DPP6: variants seen among roughly 807,000 people sequenced by gnomAD.
DPP6 encodes A-type potassium channel modulatory protein DPP6.
DPP6 carries 69 observed loss-of-function variants against 122.6 expected under a neutral mutation model. The ratio of observed to expected loss-of-function variants is 0.56; its 90% CI spans 0.46 to 0.69. DPP6 has a LOEUF of 0.69. Among genes scored for constraint, DPP6 ranks in the 30% least tolerant of loss-of-function variants. The pLI is 0.00. For missense variants in DPP6, 928 were observed against 1,116.9 expected (o/e 0.83, Z 2.41); for synonymous variants, 418 against 433.1 (o/e 0.97, Z 0.43).
chr7:153,876,352 C>G, the DPP6 span, among the ~76,000 whole-genome samples: 5 of 151,808 alleles, frequency 3.3e-5, no homozygotes, highest in African/African-American at 1.2e-4. Context: ...ACATCATATT[C>G]TATCCAATAT....
At chr7:154,433,652 C>T (rs546770637) in intron 1 of DPP6, among the ~76,000 whole-genome samples, 1 of 152,324 alleles carries the variant, frequency 6.6e-6, no homozygotes, top group East Asian at 1.9e-4. Context: ...TTCAAACACT[C>T]CTCATAATGT....
chr7:154,778,891 T>TCACCACCATCAC (rs1406496999), intron 10 of DPP6, among the ~76,000 whole-genome samples: 1 of 96,170 alleles, frequency 1.0e-5, no homozygotes, highest in Non-Finnish European at 2.2e-5. Flanking sequence ...ACTACAACCT[T>TCACCACCATCAC]CACCACCATC....
chr7:154,431,534 C>CTT (rs67861044), intron 1 of DPP6, among the ~76,000 whole-genome samples: 3 of 98,896 alleles, frequency 3.0e-5, no homozygotes, highest in Non-Finnish European at 4.2e-5. Flanking sequence ...TTCTTTCTTT[C>CTT]TTTTTTTTTT....
intron 7 of DPP6, among the ~76,000 whole-genome samples, chr7:154,715,127 C>T (rs1315508159): frequency 6.6e-6 from 1 of 152,074 alleles, no homozygotes; most frequent in Non-Finnish European, 1.5e-5. Flanking sequence ...AGTGCCATGG[C>T]ACGGTCTCAA....
chr7:153,770,134 C>T, the DPP6 span, among the ~76,000 whole-genome samples: 2 of 152,098 alleles, frequency 1.3e-5, no homozygotes, highest in East Asian at 3.9e-4. Flanking sequence ...CTCTACTGCC[C>T]CGTGTCCATG....
In DPP6 at chr7:154,624,375, C is replaced by T. The variant is rs1431930621; in HGVS notation, c.628-13446C>T. Among the ~76,000 whole-genome samples the T allele has an allele frequency of 1.3e-5, 2 of 151,210 alleles. No homozygotes were observed. Among genetic ancestry groups the T allele is most frequent in the African/African-American group, 4.9e-5 (2 of 41,050 alleles). The stretch of plus-strand genomic sequence containing the variant: ...GGTGTGGTGGTAGGTGCCTATAATC[C>T]CAGCTACTCAGAAGGCTGAGGCAGG... On this transcript the variant is annotated intron_variant, in intron 5 of 25. Transcript: ENST00000377770. This position sits in a 1 kb window ranked among gnomAD's most constrained non-coding sequence, Gnocchi z 4.7.
intron 1 of DPP6, among the ~76,000 whole-genome samples, chr7:154,227,754 T>C (rs1444140881): frequency 1.3e-5 from 2 of 152,006 alleles, no homozygotes; most frequent in Non-Finnish European, 2.9e-5. Flanking sequence ...TTTGGGGAGA[T>C]TGTCATTCAA....
At chr7:154,580,576 A>T (rs1219738830) in intron 5 of DPP6, among the ~76,000 whole-genome samples, 1 of 152,128 alleles carries the variant, frequency 6.6e-6, no homozygotes, top group Non-Finnish European at 1.5e-5. Flanking sequence ...GTGAGTCTTC[A>T]TGTGGTGTAG....
chr7:154,476,371 T>C (rs1822736426), intron 3 of DPP6, among the ~76,000 whole-genome samples: 2 of 152,252 alleles, frequency 1.3e-5, no homozygotes, highest in South Asian at 2.1e-4. Flanking sequence ...TGTTTTCGGC[T>C]GACCTGCTGA....
At chr7:154,248,061 T>C (rs1306170935) in intron 1 of DPP6, among the ~76,000 whole-genome samples, 1 of 152,114 alleles carries the variant, frequency 6.6e-6, no homozygotes, top group Non-Finnish European at 1.5e-5. Flanking sequence ...TCTACCAGGT[T>C]GTAGGCTGCC....
chr7:154,547,258 A>T (rs1176882839), intron 4 of DPP6, among the ~76,000 whole-genome samples: 1 of 152,248 alleles, frequency 6.6e-6, no homozygotes, highest in Non-Finnish European at 1.5e-5. Flanking sequence ...TTAGCATGTC[A>T]GTGAAAACCA....
At chr7:153,803,839 A>G in the DPP6 span, among the ~76,000 whole-genome samples, 1 of 147,772 alleles carries the variant, frequency 6.8e-6, no homozygotes, top group East Asian at 2.0e-4. Flanking sequence ...GTGTATGTGT[A>G]CATACACACA....
At chr7:153,857,958 C>A in the DPP6 span, among the ~76,000 whole-genome samples, 1 of 152,160 alleles carries the variant, frequency 6.6e-6, no homozygotes, top group African/African-American at 2.4e-5. Context: ...CAGTTGACTC[C>A]ACTTTCCTCT....
chr7:154,855,010 G>A (rs1468878182), intron 17 of DPP6, among the ~76,000 whole-genome samples: 3 of 151,994 alleles, frequency 2.0e-5, no homozygotes, highest in Non-Finnish European at 2.9e-5. Flanking sequence ...AGGTGACTCC[G>A]TGTCTCCAGT....
chr7:154,884,607 T>TGC (rs1308267219), intron 21 of DPP6: 5 of 119,860 alleles, frequency 4.2e-5, no homozygotes, highest in East Asian at 3.0e-4. Context: ...ACATACACGA[T>TGC]TACATACACA....
chr7:154,739,784 T>C (rs754032168), intron 8 of DPP6, among the ~76,000 whole-genome samples: 2 of 152,182 alleles, frequency 1.3e-5, no homozygotes, highest in Admixed American at 1.3e-4. Flanking sequence ...TGTGAAGTGA[T>C]GAATGCAGTT....
At chr7:154,590,672 T>C (rs190017342) in intron 5 of DPP6, among the ~76,000 whole-genome samples, 2 of 149,854 alleles carry the variant, frequency 1.3e-5, no homozygotes, top group East Asian at 4.0e-4. Context: ...GTAGCTGGGA[T>C]TACAGGCATG....
intron 6 of DPP6, among the ~76,000 whole-genome samples, chr7:154,666,669 C>T (rs1838189106): frequency 6.6e-6 from 1 of 152,158 alleles, no homozygotes; most frequent in Non-Finnish European, 1.5e-5. Context: ...CACTCCCAGC[C>T]TCTGGTAACC....
At chr7:154,090,858 T>C (rs373792474) in intron 1 of DPP6, among the ~76,000 whole-genome samples, 2,086 of 150,044 alleles carry the variant, frequency 0.014, 44 homozygotes, top group African/African-American at 0.043. Flanking sequence ...CGGTGGCTCA[T>C]GCCTGTAATC....
Sources: gnomAD v4.1 joint callset for allele counts (sites outside exome capture counted in the v4.1 genomes callset) on GRCh38, gnomAD v4.1.1 for gene constraint, Gnocchi (gnomAD v3.1) non-coding constraint, MANE v1.5 for transcripts, NCBI Gene and HGNC (gene_info 2026-07-23, HGNC 2026-07-21) for gene names.